Variants in ADGRG1 observed in about 807,000 individuals in gnomAD.
ADGRG1 encodes the protein adhesion G protein-coupled receptor G1.
ADGRG1 carries 53 observed loss-of-function variants against 73.5 expected under a neutral mutation model. The ratio of observed to expected loss-of-function variants is 0.72; its 90% CI spans 0.58 to 0.91. The LOEUF is 0.91. ADGRG1 is among the 40% of genes least tolerant of loss of function. The probability of loss-of-function intolerance (pLI) is 0.00; values close to 1 mark genes in which losing one functional copy is unlikely to be tolerated. For missense variants in ADGRG1, 795 were observed against 871.8 expected (o/e 0.91, Z 1.11); for synonymous variants, 394 against 374.4 (o/e 1.05, Z -0.60).
chr16:57,653,641 G>A (rs1259722898), intron 4 of ADGRG1: 2 of 958,260 alleles, frequency 2.1e-6, no homozygotes, highest in Non-Finnish European at 2.5e-6. Flanking sequence ...CCGCTCCAAG[G>A]CCACAGAGTA....
chr16:57,657,538 C>G, intron 10 of ADGRG1, 47 bp downstream of exon 10: 1 of 1,356,116 alleles, frequency 7.4e-7, no homozygotes, highest in Non-Finnish European at 1.1e-6. Context: ...CTCCATTGCA[C>G]ACACCTCCAC....
upstream of ADGRG1, among the ~76,000 whole-genome samples, chr16:57,626,076 C>T (rs539557820): frequency 1.6e-3 from 248 of 152,270 alleles, 1 homozygote; most frequent in African/African-American, 5.6e-3. Context: ...GTTGTGAGAA[C>T]AGAAGGAGAA....
chr16:57,660,725 C>T, intron 11 of ADGRG1, 43 bp from the exon 12 acceptor site: 1 of 1,498,604 alleles, frequency 6.7e-7, no homozygotes, highest in South Asian at 1.2e-5. Flanking sequence ...ATGGGCAGGC[C>T]TCAGAGAGCG....
At chr16:57,653,732 C>G in intron 4 of ADGRG1, 1 of 885,236 alleles carries the variant, frequency 1.1e-6, no homozygotes, top group Non-Finnish European at 1.4e-6. Context: ...CTCTCCTTTC[C>G]CTTGGCTCCC....
At chr16:57,633,020 T>A in intron 1 of ADGRG1, 1 of 889,856 alleles carries the variant, frequency 1.1e-6, no homozygotes, top group Non-Finnish European at 1.3e-6. Context: ...CGTCCCCAGG[T>A]CTCTGTCCTC....
intron 10 of ADGRG1, among the ~76,000 whole-genome samples, chr16:57,658,139 A>AT (rs574337958): frequency 6.6e-6 from 1 of 152,158 alleles, no homozygotes; most frequent in South Asian, 2.1e-4. Flanking sequence ...AAAAGGAAAG[A>AT]TTTTTCATTT....
rs577816272 is a variant in ADGRG1 at position 57,635,317 on chromosome 16, C to T, written c.-36+6515C>T. ...TGTCCTGGCCACACCTTCTGGGGGA[C>T]TCTGCCACCTGTGTGCACACCTAGG... On this transcript the variant is annotated intron_variant, in intron 1 of 13. Transcript: ENST00000562631. The T allele has an allele frequency of 6.1e-6, 6 of 985,330 alleles. No individual in the cohort carries two copies. In the African/African-American group the frequency reaches 8.7e-5, roughly 14 times the overall value. 61.0% of individuals were successfully genotyped at this position (985,330 alleles called of 1,614,324 possible). A position where few individuals can be genotyped will look rare whatever the true frequency, so the allele number is the denominator to read the frequency against.
chr16:57,662,700 C>T (rs1179744471), intron 13 of ADGRG1, among the ~76,000 whole-genome samples: 1 of 151,240 alleles, frequency 6.6e-6, no homozygotes, highest in Non-Finnish European at 1.5e-5. Context: ...CGGGTCGGGG[C>T]GGAGAGGTGG....
rs781397735 is a variant in ADGRG1 at position 57,651,593 on chromosome 16, G to C, written c.458G>C (p.Ser153Thr). ...AGCCCTCAGAACATCAGCCTGCCCA[G>C]TGCCGCCAGCTTCACCTTCTCCTTC... ...WWSPQNISLP[S>T]AASFTFSFHS... is the part of the protein sequence containing the mutation. The change falls in exon 3 of 14, where the codon AGT becomes ACT. Residue 153 changes from serine (S) to threonine (T), a missense_variant. Transcript: ENST00000562631. 3 of 1,613,954 alleles carry C rather than the reference G, an allele frequency of 1.9e-6. No individual in the cohort carries two copies. Among genetic ancestry groups the C allele is most frequent in the East Asian group, 2.2e-5 (1 of 44,886 alleles).
chr16:57,628,893 A>AGTGTGAGTGTGTGTGAGTGT (rs2036572122), intron 1 of ADGRG1, 91 bp downstream of exon 1: 1 of 813,312 alleles, frequency 1.2e-6, no homozygotes, highest in Admixed American at 8.1e-5. Flanking sequence ...TGAGAGTGTG[A>AGTGTGAGTGTGTGTGAGTGT]GTGTGTGAGT....
intron 13 of ADGRG1, 116 bp downstream of exon 13, chr16:57,662,081 A>T: frequency 7.1e-6 from 6 of 850,552 alleles, no homozygotes; most frequent in Non-Finnish European, 1.2e-5. Context: ...CAGTCATCCC[A>T]TTCATAAAAT....
rs777640988 is a variant in ADGRG1 at position 57,661,729 on chromosome 16, T to A, written c.1697T>A (p.Ile566Asn). Residue 566 changes from isoleucine (I) to asparagine (N), a missense_variant, in exon 13 of 14, where the codon ATC becomes AAC. Ile to Asn is a moderately radical substitution (Grantham distance 149). Coordinates refer to ENST00000562631, the MANE Select transcript of ADGRG1 (RefSeq NM_201525.4). Reference sequence around the variant, plus strand: ...ATCCGGGACTCCCTGGTCAGCTACATCACCAACCTGGGCCTCTTCAGCCTG... The same window carrying A: ...ATCCGGGACTCCCTGGTCAGCTACAACACCAACCTGGGCCTCTTCAGCCTG... ...CWIRDSLVSY[I>N]TNLGLFSLVF... 1.9e-6 allele frequency: 3 copies of A among 1,614,086 alleles called. No homozygotes were observed. The highest frequency in any genetic ancestry group is 1.7e-6 in the Non-Finnish European group (2 of 1,179,984).
At chr16:57,663,254 T>C (rs1326952917) in intron 13 of ADGRG1, 198 bp from the exon 14 acceptor site, 3 of 902,672 alleles carry the variant, frequency 3.3e-6, no homozygotes, top group Non-Finnish European at 4.0e-6. Context: ...TTTGTGACAG[T>C]GAGAGGCCAC....
At chr16:57,641,286 A>G (rs1217335454) in intron 1 of ADGRG1, 1 of 985,150 alleles carries the variant, frequency 1.0e-6, no homozygotes, top group Non-Finnish European at 1.2e-6. Context: ...CTAGGCATGT[A>G]CATTCCCTGG....
intron 3 of ADGRG1, chr16:57,652,959 A>C: frequency 7.2e-7 from 1 of 1,389,260 alleles, no homozygotes; most frequent in Non-Finnish European, 9.3e-7. Context: ...TGAGCAAGGC[A>C]CATCCCACCC....
At chr16:57,654,171 G>T (rs779958408) in intron 5 of ADGRG1, 38 bp downstream of exon 5, 1 of 1,597,274 alleles carries the variant, frequency 6.3e-7, no homozygotes, top group Non-Finnish European at 8.5e-7. Flanking sequence ...GATGCGGGTT[G>T]GGCCGGGGCC....
chr16:57,636,361 G>A (rs1253552746), intron 1 of ADGRG1: 1 of 985,248 alleles, frequency 1.0e-6, no homozygotes, highest in African/African-American at 1.7e-5. Context: ...GCGCTCCCAG[G>A]CTTCCATGCT....
chr16:57,624,771 G>T, upstream of ADGRG1: 1 of 949,460 alleles, frequency 1.1e-6, no homozygotes, highest in Non-Finnish European at 1.3e-6. Flanking sequence ...TGTTCTTGAA[G>T]ATCTCCTCCT....
upstream of ADGRG1, chr16:57,628,280 G>A (rs550999351): frequency 9.7e-5 from 70 of 722,752 alleles, no homozygotes; most frequent in South Asian, 4.9e-4. Context: ...CCCTGTTGCC[G>A]TGGCAACCCC....
Sources: gnomAD v4.1 joint callset for allele counts (sites outside exome capture counted in the v4.1 genomes callset) on GRCh38, gnomAD v4.1.1 for gene constraint, MANE v1.5 for transcripts, NCBI Gene and HGNC (gene_info 2026-07-23, HGNC 2026-07-21) for gene names.